Variants in RBFOX1 observed in about 807,000 individuals in gnomAD.
RBFOX1 encodes RNA binding fox-1 homolog 1.
A neutral mutation model predicts 57.7 loss-of-function variants in RBFOX1; 8 were observed. That is an observed-to-expected ratio of 0.14 (90% CI 0.08 to 0.25). The LOEUF is 0.25. Among genes scored for constraint, RBFOX1 ranks in the 10% least tolerant of loss-of-function variants. The pLI is 1.00. For synonymous variants in RBFOX1, 326 were observed against 222.4 expected (o/e 1.47, Z -4.15); for missense variants, 611 against 548.5 (o/e 1.11, Z -1.14).
intron 1 of RBFOX1, among the ~76,000 whole-genome samples, chr16:6,080,251 A>T (rs895918391): frequency 2.0e-5 from 3 of 151,984 alleles, no homozygotes; most frequent in Non-Finnish European, 2.9e-5. Context: ...AGCAATGTTG[A>T]TCTCGTGTGG....
In RBFOX1 at chr16:6,540,769, A is replaced by C. The variant is rs551470833; in HGVS notation, c.-63-113834A>C. On this transcript the variant is annotated intron_variant, in intron 2 of 15. Coordinates refer to ENST00000550418, the MANE Select transcript of RBFOX1 (RefSeq NM_018723.4). ...ATTAACTTACCTAATTATTCACTTAAAGTAACTCTTTAAAAAGACTGGCTT... is the reference window on the plus strand; with the variant it reads ...ATTAACTTACCTAATTATTCACTTACAGTAACTCTTTAAAAAGACTGGCTT... 3.9e-5 allele frequency among the ~76,000 whole-genome samples: 6 copies of C among 152,310 alleles called. No individual in the cohort carries two copies. The South Asian group carries it at 1.0e-3, about 26-fold the overall frequency.
intron 10 of RBFOX1, chr16:7,614,542 T>G (rs2058100630): frequency 6.6e-6 from 1 of 152,204 alleles, no homozygotes; most frequent in South Asian, 2.1e-4. Context: ...GTAAATTGGT[T>G]CTTTTTCTTG....
chr16:6,444,898 C>A (rs548155643), intron 2 of RBFOX1, among the ~76,000 whole-genome samples: 1 of 152,136 alleles, frequency 6.6e-6, no homozygotes, highest in East Asian at 1.9e-4. Context: ...AAAAATGGAA[C>A]GGCCAGGTTT....
In RBFOX1 at chr16:7,012,291, G is replaced by A. The variant is rs114892020; in HGVS notation, c.-15-39766G>A. Among the ~76,000 whole-genome samples, 1,497 of 152,322 alleles carry A rather than the reference G, an allele frequency of 9.8e-3. 17 individuals are homozygous for A. Among genetic ancestry groups the A allele is most frequent in the African/African-American group, 0.031 (1,286 of 41,574 alleles). ...AAAGATACAGGATCTGAGGCTGACA[G>A]ACCAAATGTCTGGCAGGTGAGATCT... On this transcript the variant is annotated intron_variant, in intron 3 of 15. Transcript: ENST00000550418.
At chr16:6,850,890 A>G (rs572675213) in intron 3 of RBFOX1, among the ~76,000 whole-genome samples, 17 of 152,196 alleles carry the variant, frequency 1.1e-4, no homozygotes, top group Non-Finnish European at 2.1e-4. Flanking sequence ...TCCCAGTAAA[A>G]TGAAAACACA....
chr16:7,702,568 AGAAG>A (rs2081107143), intron 14 of RBFOX1, among the ~76,000 whole-genome samples: 1 of 152,196 alleles, frequency 6.6e-6, no homozygotes, highest in South Asian at 2.1e-4. Flanking sequence ...GTTGGATGAG[AGAAG>A]GAAGTAAAGC....
chr16:6,146,100 G>T (rs1385741143), intron 1 of RBFOX1, among the ~76,000 whole-genome samples: 2 of 152,118 alleles, frequency 1.3e-5, no homozygotes, highest in African/African-American at 4.8e-5. Context: ...TGGTGCTTAC[G>T]TAGCCTGAAG....
intron 4 of RBFOX1, among the ~76,000 whole-genome samples, chr16:7,383,974 A>C (rs12923095): frequency 0.044 from 6,732 of 151,978 alleles, 176 homozygotes; most frequent in Middle Eastern, 0.078. Context: ...GAATCACTTG[A>C]ACCCAGTAGG....
At chr16:5,903,147 C>G (rs2058349806) in intron 4 of RBFOX1, among the ~76,000 whole-genome samples, 1 of 151,952 alleles carries the variant, frequency 6.6e-6, no homozygotes. Context: ...TGTATGTATG[C>G]ATGTCTGTAT....
At chr16:5,648,077 C>T (rs938077633) in intron 3 of RBFOX1, among the ~76,000 whole-genome samples, 1 of 152,166 alleles carries the variant, frequency 6.6e-6, no homozygotes, top group African/African-American at 2.4e-5. Context: ...CCAGGCTGTT[C>T]TCAAACTCCT....
chr16:5,979,964 A>C (rs1056229464), intron 4 of RBFOX1, among the ~76,000 whole-genome samples: 2 of 152,170 alleles, frequency 1.3e-5, no homozygotes, highest in African/African-American at 2.4e-5. Context: ...ATTTGAACCC[A>C]GACAGTCTGA....
At chr16:7,226,488 G>T (rs535618261) in intron 4 of RBFOX1, among the ~76,000 whole-genome samples, 6 of 152,298 alleles carry the variant, frequency 3.9e-5, no homozygotes, top group Non-Finnish European at 7.4e-5. Context: ...ACTTGATGCT[G>T]TGTACATTCT....
Position 6,762,689 on chromosome 16 carries a change from C to A in RBFOX1, c.-16+108039C>A, listed in dbSNP as rs953262554. ...TTGGCATTTGGTTATTTGTTTTGGG[C>A]CCCAGTGATTTGCTAAAGAATAGGT... On this transcript the variant is annotated intron_variant, in intron 3 of 15. Coordinates refer to ENST00000550418, the MANE Select transcript of RBFOX1 (RefSeq NM_018723.4). Among the ~76,000 whole-genome samples the A allele has an allele frequency of 3.0e-4, 45 of 152,048 alleles. 1 individual carries two copies. The highest frequency in any genetic ancestry group is 1.0e-3 in the African/African-American group (42 of 41,376).
intron 4 of RBFOX1, among the ~76,000 whole-genome samples, chr16:5,909,378 C>T (rs1197072627): frequency 6.6e-6 from 1 of 152,142 alleles, no homozygotes; most frequent in Non-Finnish European, 1.5e-5. Flanking sequence ...AGGCGTGAGC[C>T]ACTGTGCCCG....
At chr16:7,437,618 C>T (rs775016932) in intron 4 of RBFOX1, among the ~76,000 whole-genome samples, 1 of 152,080 alleles carries the variant, frequency 6.6e-6, no homozygotes, top group Non-Finnish European at 1.5e-5. Flanking sequence ...GCTTTTATAA[C>T]ATAAAGGCTG....
chr16:7,464,608 G>A (rs2060155754), intron 4 of RBFOX1, among the ~76,000 whole-genome samples: 1 of 150,792 alleles, frequency 6.6e-6, no homozygotes, highest in African/African-American at 2.4e-5. Flanking sequence ...TCTGTTAAAT[G>A]AGGCAATATC....
At chr16:5,690,482 C>G (rs565129708) in intron 3 of RBFOX1, among the ~76,000 whole-genome samples, 1 of 152,192 alleles carries the variant, frequency 6.6e-6, no homozygotes, top group African/African-American at 2.4e-5. Context: ...AAATACTGCC[C>G]GTAACGCTCT....
chr16:7,337,841 C>T (rs2096822591), intron 4 of RBFOX1, among the ~76,000 whole-genome samples: 1 of 152,108 alleles, frequency 6.6e-6, no homozygotes. Context: ...CGTGCCACCA[C>T]ACCCAGCTAA....
At chr16:6,153,639 G>T (rs906620339) in intron 1 of RBFOX1, among the ~76,000 whole-genome samples, 4 of 152,050 alleles carry the variant, frequency 2.6e-5, no homozygotes, top group African/African-American at 9.7e-5. Context: ...GGGTTCAAGT[G>T]ATTCTCCTGT....
Sources: allele counts gnomAD v4.1 joint callset (sites outside exome capture counted in the v4.1 genomes callset), GRCh38; gene constraint gnomAD v4.1.1; transcripts MANE v1.5; gene names NCBI Gene and HGNC (gene_info 2026-07-23, HGNC 2026-07-21).